The following TTC6 variants were observed in gnomAD, a reference collection of about 807,000 sequenced individuals.
TTC6 encodes tetratricopeptide repeat protein 6.
TTC6 carries 172 observed loss-of-function variants against 210.4 expected under a neutral mutation model. That is an observed-to-expected ratio of 0.82 (90% CI 0.72 to 0.93). The LOEUF (loss-of-function observed/expected upper bound fraction) is 0.93. Among genes scored for constraint, TTC6 ranks in the 40% least tolerant of loss-of-function variants. The probability of loss-of-function intolerance (pLI) is 0.00; values close to 1 mark genes in which losing one functional copy is unlikely to be tolerated. For missense variants in TTC6, 2,414 were observed against 2,318.1 expected, an observed-to-expected ratio of 1.04 and a Z score of -0.85; for synonymous variants, 804 against 819.6, an observed-to-expected ratio of 0.98 and a Z score of 0.32.
At chr14:37,786,062 A>G (rs992117721) in intron 14 of TTC6, among the ~76,000 whole-genome samples, 8 of 151,984 alleles carry the variant, frequency 5.3e-5, no homozygotes, top group African/African-American at 1.9e-4. Context: ...CAGTTAGGCT[A>G]CTCGGGGGTC....
chr14:37,757,092 C>A (rs1004160600), intron 14 of TTC6, among the ~76,000 whole-genome samples: 4 of 151,942 alleles, frequency 2.6e-5, no homozygotes, highest in African/African-American at 9.7e-5. Context: ...GGGTATGTGT[C>A]CAGGAATTTA....
rs1404833640 is a variant in TTC6 at position 37,739,097 on chromosome 14, C to A, written c.2305C>A (p.Gln769Lys). Residue 769 changes from glutamine to lysine, a missense_variant, in exon 10 of 31, where the codon CAA becomes AAA. By Grantham distance (53) the Gln-to-Lys change is moderately conservative. Transcript: ENST00000553443. The stretch of plus-strand genomic sequence containing the variant: ...GATGAGATGGAAGAAAAGATTGAAA[C>A]AACAAAAACTTATATTCGTGCATGA... 27 of 1,528,682 alleles carry A rather than the reference C, an allele frequency of 1.8e-5. 2 individuals carry two copies. Among genetic ancestry groups the A allele is most frequent in the Admixed American group, 1.0e-4 (5 of 49,282 alleles). The allele number at this position is 1,528,682 out of a possible 1,614,324, so 94.7% of individuals were successfully genotyped here. A position where few individuals can be genotyped will look rare whatever the true frequency, so the allele number is the denominator to read the frequency against.
intron 26 of TTC6, among the ~76,000 whole-genome samples, chr14:37,819,031 C>T (rs1400298643): frequency 6.6e-6 from 1 of 152,164 alleles, no homozygotes; most frequent in African/African-American, 2.4e-5. Context: ...GAAATGTAAT[C>T]ACTGGGTATA....
intron 2 of TTC6, 32 bp downstream of exon 2, chr14:37,606,774 C>T: frequency 1.0e-6 from 1 of 985,292 alleles, no homozygotes; most frequent in African/African-American, 1.7e-5. Context: ...CCAGTTCATC[C>T]TCATCCTGTA....
chr14:37,786,413 G>A (rs139781707), intron 14 of TTC6, among the ~76,000 whole-genome samples: 5,135 of 152,320 alleles, frequency 0.034, 131 homozygotes, highest in South Asian at 0.092. Flanking sequence ...GTGGGCGTGG[G>A]ACCCTCCAAG....
chr14:37,797,956 A>G (rs2096096517), intron 20 of TTC6, among the ~76,000 whole-genome samples: 1 of 152,096 alleles, frequency 6.6e-6, no homozygotes, highest in African/African-American at 2.4e-5. Flanking sequence ...ACAAGTTTTC[A>G]CATATGTGTG....
chr14:37,716,141 G>A (rs1200605205), intron 6 of TTC6, among the ~76,000 whole-genome samples: 2 of 151,744 alleles, frequency 1.3e-5, no homozygotes, highest in Non-Finnish European at 2.9e-5. Context: ...AGTCAATTGT[G>A]GTAAGCTATA....
At chr14:37,715,372 G>A (rs1359676169) in intron 6 of TTC6, among the ~76,000 whole-genome samples, 1 of 152,090 alleles carries the variant, frequency 6.6e-6, no homozygotes, top group Non-Finnish European at 1.5e-5. Flanking sequence ...AAGGCAGAAA[G>A]CTATAGATTC....
intron 1 of TTC6, among the ~76,000 whole-genome samples, chr14:37,675,749 TC>T (rs1170202680): frequency 1.4e-5 from 2 of 140,128 alleles, no homozygotes; most frequent in Non-Finnish European, 3.2e-5. Context: ...TTTCTTTCTT[TC>T]TTTTTTTTTT....
intron 5 of TTC6, among the ~76,000 whole-genome samples, chr14:37,705,401 T>C (rs1307680175): frequency 2.6e-5 from 4 of 151,944 alleles, no homozygotes; most frequent in Non-Finnish European, 4.4e-5. Context: ...AATGCGAAAA[T>C]GAAAAACAAT....
chr14:37,670,474 C>CCTTT (rs532690678), intron 1 of TTC6, among the ~76,000 whole-genome samples: 26 of 121,328 alleles, frequency 2.1e-4, no homozygotes, highest in Non-Finnish European at 3.4e-4. Context: ...AACTACCTCA[C>CCTTT]TTTTTTTTTT....
intron 7 of TTC6, among the ~76,000 whole-genome samples, chr14:37,734,097 A>G (rs2095895072): frequency 6.6e-6 from 1 of 152,150 alleles, no homozygotes; most frequent in Non-Finnish European, 1.5e-5. Context: ...GAATGGCATT[A>G]TGGCATTTTC....
intron 8 of TTC6, 57 bp downstream of exon 10, chr14:37,736,067 G>C: frequency 1.1e-6 from 1 of 889,944 alleles, no homozygotes; most frequent in South Asian, 1.6e-5. Flanking sequence ...CTACAGTCCA[G>C]ATATTAATTA....
chr14:37,742,682 G>A (rs10133017), intron 10 of TTC6, among the ~76,000 whole-genome samples: 37,992 of 151,846 alleles, frequency 0.25, 5,250 homozygotes, highest in Non-Finnish European at 0.3. Flanking sequence ...GCTCCCAAAG[G>A]GCTGAGATTA....
At chr14:37,796,088 T>G (rs2139362618) in intron 18 of TTC6, among the ~76,000 whole-genome samples, 1 of 152,238 alleles carries the variant, frequency 6.6e-6, no homozygotes, top group South Asian at 2.1e-4. Flanking sequence ...CTTTCAGTGT[T>G]ACATTTCCTA....
intron 26 of TTC6, among the ~76,000 whole-genome samples, chr14:37,822,015 G>A (rs1387347958): frequency 1.3e-5 from 2 of 151,724 alleles, no homozygotes; most frequent in Non-Finnish European, 2.9e-5. Context: ...TCCTGACCTC[G>A]TGATCCACCC....
exon 30 of TTC6, chr14:37,841,511 G>A: frequency 6.2e-7 from 1 of 1,600,116 alleles, no homozygotes; most frequent in Non-Finnish European, 8.5e-7. Flanking sequence ...CATGAATCGA[G>A]CTATTACAAA....
chr14:37,739,330 A>C (rs1187891897), intron 10 of TTC6, among the ~76,000 whole-genome samples, 175 bp downstream of exon 12: 1 of 152,138 alleles, frequency 6.6e-6, no homozygotes, highest in Non-Finnish European at 1.5e-5. Flanking sequence ...TAATCCCAGC[A>C]CTTTGGGAGG....
chr14:37,810,574 C>T (rs775906554), intron 24 of TTC6, among the ~76,000 whole-genome samples: 3 of 152,134 alleles, frequency 2.0e-5, no homozygotes, highest in Non-Finnish European at 2.9e-5. Context: ...CTGGTGTCCA[C>T]ACATTTGTTT....
Sources: allele counts gnomAD v4.1 joint callset (sites outside exome capture counted in the v4.1 genomes callset), GRCh38; gene constraint gnomAD v4.1.1; transcripts MANE v1.5; gene names NCBI Gene and HGNC (gene_info 2026-07-23, HGNC 2026-07-21).